PRICKLE1: variants seen among roughly 807,000 people sequenced by gnomAD.
The protein encoded by PRICKLE1 is prickle-like protein 1.
A neutral mutation model predicts 70.2 loss-of-function variants in PRICKLE1; 14 were observed. The ratio of observed to expected loss-of-function variants is 0.20; its 90% CI spans 0.13 to 0.31. The LOEUF (loss-of-function observed/expected upper bound fraction) is 0.31, where lower values mean the gene tolerates loss of function less well. Ranked by LOEUF, PRICKLE1 falls within the 10% of genes least tolerant of loss-of-function variation. The pLI is 1.00. For missense variants in PRICKLE1, 821 were observed against 1,026.2 expected, an observed-to-expected ratio of 0.80 and a Z score of 2.73; for synonymous variants, 357 against 379.9, an observed-to-expected ratio of 0.94 and a Z score of 0.70.
At chr12:42,516,445 T>G (rs889734427) in intron 1 of PRICKLE1, among the ~76,000 whole-genome samples, 2 of 152,168 alleles carry the variant, frequency 1.3e-5, no homozygotes, top group African/African-American at 4.8e-5. Flanking sequence ...TCTTTCATAT[T>G]TTTAATATCC....
intron 1 of PRICKLE1, among the ~76,000 whole-genome samples, chr12:42,499,772 C>T (rs751945932): frequency 2.7e-5 from 4 of 150,508 alleles, no homozygotes; most frequent in Admixed American, 1.3e-4. Context: ...CTGTTGCCCA[C>T]GCTGGAGTGC....
Position 42,459,520 on chromosome 12 carries a change from A to G in PRICKLE1, c.*289T>C, listed in dbSNP as rs1937714304. The stretch of plus-strand genomic sequence containing the variant: ...CCAATCCCCTTCAGTCAGCATCTTC[A>G]GTATTCCCTTGAGGACTGGAAAACC... On this transcript the variant is annotated 3_prime_UTR_variant, in exon 8 of 8. Transcript: ENST00000345127. 1 of 627,828 alleles carries G rather than the reference A, an allele frequency of 1.6e-6. No individual in the cohort carries two copies. Among genetic ancestry groups the G allele is most frequent in the Admixed American group, 2.7e-5 (1 of 37,664 alleles). 38.9% of individuals were successfully genotyped at this position (627,828 alleles called of 1,614,324 possible). A position where few individuals can be genotyped will look rare whatever the true frequency, so the allele number is the denominator to read the frequency against.
intron 1 of PRICKLE1, among the ~76,000 whole-genome samples, chr12:42,573,563 GTATTAT>G (rs745830264): frequency 2.6e-5 from 4 of 151,654 alleles, no homozygotes; most frequent in Non-Finnish European, 4.4e-5. Flanking sequence ...GATTCTTTTT[GTATTAT>G]TATTATTATT....
At chr12:42,477,450 GTATATACGTATATA>G (rs1938596127) in intron 1 of PRICKLE1, among the ~76,000 whole-genome samples, 3 of 79,310 alleles carry the variant, frequency 3.8e-5, no homozygotes, top group Non-Finnish European at 5.1e-5. Flanking sequence ...GTGTATATAT[GTATATACGTATATA>G]TGTGTGTGTG....
At chr12:42,497,595 C>T (rs1939230264) in intron 1 of PRICKLE1, among the ~76,000 whole-genome samples, 1 of 150,466 alleles carries the variant, frequency 6.6e-6, no homozygotes, top group African/African-American at 2.4e-5. Flanking sequence ...CTTATATGGG[C>T]ACAGTTCATG....
chr12:42,495,419 G>A (rs73275839), intron 1 of PRICKLE1, among the ~76,000 whole-genome samples: 4,377 of 144,216 alleles, frequency 0.03, 208 homozygotes, highest in African/African-American at 0.1. Context: ...AGAGAGAGAG[G>A]TGTTGCGTCA....
intron 1 of PRICKLE1, among the ~76,000 whole-genome samples, chr12:42,478,048 A>G (rs1938639708): frequency 6.6e-6 from 1 of 150,400 alleles, no homozygotes; most frequent in Non-Finnish European, 1.5e-5. Context: ...TGCATCCCTT[A>G]CCCAGACTCA....
intron 1 of PRICKLE1, chr12:42,489,657 TAAAAAAAAAAA>T (rs71084661): frequency 4.4e-4 from 30 of 67,824 alleles, no homozygotes; most frequent in Admixed American, 3.3e-3. Flanking sequence ...GAGACTTCTC[TAAAAAAAAAAA>T]AAAAAAAAAA....
Position 42,472,497 on chromosome 12 carries a change from G to C in PRICKLE1, c.20C>G (p.Pro7Arg), listed in dbSNP as rs1184318847. The change falls in exon 2 of 8, where the codon CCC (proline) becomes CGC (arginine). Residue 7 changes from proline to arginine, a missense_variant. Pro to Arg is a moderately radical substitution (Grantham distance 103). Coordinates refer to ENST00000345127, the MANE Select transcript of PRICKLE1 (RefSeq NM_153026.3). MPLEME[P>R]KMSKLAFGCQ... ...GCCAAAGGCCAGTTTGCTCATCTTG[G>C]GCTCCATCTCCAAAGGCATAAAGTT... is the stretch of plus-strand genomic sequence containing the variant. 1 of 1,613,962 alleles carries C rather than the reference G, an allele frequency of 6.2e-7. No individual in the cohort carries two copies. Among genetic ancestry groups the C allele is most frequent in the African/African-American group, 1.3e-5 (1 of 74,878 alleles).
At chr12:42,553,873 C>T (rs1325790250) in intron 1 of PRICKLE1, among the ~76,000 whole-genome samples, 1 of 152,122 alleles carries the variant, frequency 6.6e-6, no homozygotes, top group Non-Finnish European at 1.5e-5. Context: ...GAGGCTGAGA[C>T]GGGCGGATCA....
Position 42,566,087 on chromosome 12 carries a change from C to T in PRICKLE1, c.-49+23378G>A, listed in dbSNP as rs181669643. On this transcript the variant is annotated intron_variant, in intron 1 of 7. Transcript: ENST00000345127. ...AGTGCAGAGCGGGCTGTGGAGGGCT[C>T]TTAGTAGAAGCACATTTGGATCAAA... Among the ~76,000 whole-genome samples, 709 of 152,140 alleles carry T rather than the reference C, an allele frequency of 4.7e-3. 17 individuals are homozygous for T. The highest frequency in any genetic ancestry group is 0.029 in the Admixed American group (441 of 15,262).
intron 1 of PRICKLE1, among the ~76,000 whole-genome samples, chr12:42,487,883 T>C (rs1939018783): frequency 2.0e-5 from 3 of 151,986 alleles, no homozygotes; most frequent in Admixed American, 2.0e-4. Flanking sequence ...CCATCTCTAC[T>C]AAAAATACAA....
chr12:42,527,972 T>TATATA (rs1939843690), intron 1 of PRICKLE1, among the ~76,000 whole-genome samples: 1 of 7,310 alleles, frequency 1.4e-4, no homozygotes. Flanking sequence ...TATATATATA[T>TATATA]CTCCAAAGTT....
chr12:42,522,424 T>C (rs1273543938), intron 1 of PRICKLE1, among the ~76,000 whole-genome samples: 1 of 152,190 alleles, frequency 6.6e-6, no homozygotes, highest in Non-Finnish European at 1.5e-5. Flanking sequence ...AGGGCTATTT[T>C]CTACCATGCT....
intron 6 of PRICKLE1, 47 bp from the exon 7 acceptor site, chr12:42,465,305 T>C (rs769632379): frequency 1.3e-6 from 2 of 1,590,840 alleles, no homozygotes; most frequent in Non-Finnish European, 1.7e-6. Flanking sequence ...GTTTAATGCC[T>C]GAAACAAGGT....
chr12:42,511,433 G>T (rs1235176699), intron 1 of PRICKLE1, among the ~76,000 whole-genome samples: 1 of 152,216 alleles, frequency 6.6e-6, no homozygotes, highest in South Asian at 2.1e-4. Context: ...GACTATACTG[G>T]CTTGCAGGAT....
intron 1 of PRICKLE1, among the ~76,000 whole-genome samples, chr12:42,557,431 A>T (rs1940430920): frequency 6.6e-6 from 1 of 152,166 alleles, no homozygotes; most frequent in Non-Finnish European, 1.5e-5. Flanking sequence ...TTGCCAGCTC[A>T]AGTAGCTCAA....
chr12:42,523,074 G>A (rs1305448376), intron 1 of PRICKLE1, among the ~76,000 whole-genome samples: 7 of 151,276 alleles, frequency 4.6e-5, no homozygotes, highest in African/African-American at 1.7e-4. Context: ...CCATTCTCCT[G>A]CCTCAAACTC....
chr12:42,513,657 T>C (rs1939555823), intron 1 of PRICKLE1, among the ~76,000 whole-genome samples: 1 of 152,188 alleles, frequency 6.6e-6, no homozygotes, highest in Non-Finnish European at 1.5e-5. Context: ...CTGTCCCCTA[T>C]GTCTCTCTCT....
Sources: allele counts gnomAD v4.1 joint callset (sites outside exome capture counted in the v4.1 genomes callset), GRCh38; gene constraint gnomAD v4.1.1; transcripts MANE v1.5; gene names NCBI Gene and HGNC (gene_info 2026-07-23, HGNC 2026-07-21).